TEX11: variants seen among roughly 807,000 people sequenced by gnomAD.
The protein encoded by TEX11 is testis expressed 11, also known as testis-expressed protein 11.
TEX11 carries 7 observed loss-of-function variants against 84.4 expected under a neutral mutation model. That is an observed-to-expected ratio of 0.08 (90% CI 0.05 to 0.16). The LOEUF is 0.16. Ranked by LOEUF, TEX11 falls within the 10% of genes least tolerant of loss-of-function variation. The pLI is 1.00. For missense variants in TEX11, 551 were observed against 660.5 expected (o/e 0.83, Z 1.82); for synonymous variants, 264 against 222.8 (o/e 1.18, Z -1.64).
intron 9 of TEX11, among the ~76,000 whole-genome samples, chrX:70,803,153 A>C (rs2091198985): frequency 8.9e-6 from 1 of 112,140 alleles, no homozygotes; most frequent in Admixed American, 9.5e-5. Context: ...CAAACAAACA[A>C]AAAAACTCTT....
At chrX:70,545,223 C>G (rs2088106326) in intron 28 of TEX11, among the ~76,000 whole-genome samples, 2 of 111,934 alleles carry the variant, frequency 1.8e-5, no homozygotes, top group Non-Finnish European at 3.8e-5. Context: ...AAAAACAAAA[C>G]AAAAAACCCC....
chrX:70,734,349 T>C (rs772573183), intron 11 of TEX11, among the ~76,000 whole-genome samples: 3 of 111,233 alleles, frequency 2.7e-5, no homozygotes, highest in African/African-American at 9.8e-5. Context: ...ATCCAAAACC[T>C]ACTAAATGAG....
At chrX:70,658,419 A>G (rs1423020347) in intron 16 of TEX11, among the ~76,000 whole-genome samples, 1 of 111,941 alleles carries the variant, frequency 8.9e-6, no homozygotes, top group Admixed American at 9.5e-5. Flanking sequence ...TCAGTCTCAA[A>G]AAAACAAACA....
At chrX:70,650,103 AGAG>A (rs1354374106) in intron 17 of TEX11, among the ~76,000 whole-genome samples, 1 of 111,902 alleles carries the variant, frequency 8.9e-6, no homozygotes, top group African/African-American at 3.2e-5. Context: ...ACAAAACTAT[AGAG>A]ATAGAAGAGA....
rs149115127 is a variant in TEX11, at chrX:70,708,030, C to A, written c.1004+14588G>T. Among the ~76,000 whole-genome samples, 556 of 110,165 alleles carry A rather than the reference C, an allele frequency of 5.0e-3. 4 individuals are homozygous for A. The highest frequency in any genetic ancestry group is 0.017 in the African/African-American group (529 of 30,364). ...TGGATCTAACAAAGGTATAATATCC[C>A]AGAATCTATAAGGAACTTTAAAAAA... On this transcript the variant is annotated intron_variant, in intron 13 of 29. Transcript: ENST00000374333.
chrX:70,902,606 C>G (rs761440489), intron 2 of TEX11, among the ~76,000 whole-genome samples: 1 of 111,398 alleles, frequency 9.0e-6, no homozygotes, highest in East Asian at 2.8e-4. Flanking sequence ...ACTGCAACCT[C>G]TGCCTCCCAG....
intron 13 of TEX11, among the ~76,000 whole-genome samples, chrX:70,691,753 C>T (rs968598196): frequency 2.7e-5 from 3 of 110,078 alleles, no homozygotes; most frequent in Non-Finnish European, 3.8e-5. Context: ...TACAGCATGG[C>T]GACTATAGTT....
At chrX:70,804,877 T>C (rs757014847) in intron 9 of TEX11, among the ~76,000 whole-genome samples, 2 of 110,619 alleles carry the variant, frequency 1.8e-5, no homozygotes, top group Admixed American at 9.7e-5. Flanking sequence ...AGAACATTTA[T>C]TTTTATGACT....
chrX:70,596,571 G>A (rs948603746), intron 24 of TEX11, among the ~76,000 whole-genome samples: 8 of 110,331 alleles, frequency 7.3e-5, no homozygotes, highest in African/African-American at 2.3e-4. Flanking sequence ...ATTAAGATTA[G>A]AAAATATTTT....
chrX:70,838,902 G>A (rs759268294), intron 7 of TEX11, among the ~76,000 whole-genome samples: 3 of 112,467 alleles, frequency 2.7e-5, no homozygotes, highest in African/African-American at 6.4e-5. Flanking sequence ...ACAGCAGTCC[G>A]AGATCAAACT....
At chrX:70,810,366 C>G (rs2091245265) in intron 8 of TEX11, among the ~76,000 whole-genome samples, 1 of 111,993 alleles carries the variant, frequency 8.9e-6, no homozygotes, top group Non-Finnish European at 1.9e-5. Flanking sequence ...CAACACTGTT[C>G]ACAATAGCAA....
At chrX:70,907,909 G>A in intron 1 of TEX11, 99 bp from the exon 2 acceptor site, 2 of 578,278 alleles carry the variant, frequency 3.5e-6, no homozygotes, top group Admixed American at 3.3e-5. Flanking sequence ...TTATCCAAAG[G>A]GAGAAAAAAA....
intron 18 of TEX11, among the ~76,000 whole-genome samples, chrX:70,625,949 TG>T (rs1418479599): frequency 1.8e-5 from 2 of 110,092 alleles, no homozygotes; most frequent in African/African-American, 6.6e-5. Flanking sequence ...GGTTTCACCA[TG>T]TTGGCCAGGC....
intron 9 of TEX11, among the ~76,000 whole-genome samples, chrX:70,789,502 T>C (rs1419516882): frequency 9.0e-6 from 1 of 111,683 alleles, no homozygotes; most frequent in Non-Finnish European, 1.9e-5. Flanking sequence ...TGAAGCACGA[T>C]AATCACTTGA....
intron 9 of TEX11, among the ~76,000 whole-genome samples, chrX:70,767,608 C>CA (rs2147774766): frequency 9.0e-6 from 1 of 111,727 alleles, no homozygotes; most frequent in East Asian, 2.8e-4. Context: ...TATGATCCAG[C>CA]AACCCCACTG....
chrX:70,905,279 C>T (rs769046988), intron 2 of TEX11, among the ~76,000 whole-genome samples: 4 of 111,007 alleles, frequency 3.6e-5, no homozygotes, highest in African/African-American at 1.3e-4. Context: ...GAGCCGAGAT[C>T]GTGCCACTAC....
chrX:70,516,660 A>C, the TEX11 span, among the ~76,000 whole-genome samples: 1 of 111,085 alleles, frequency 9.0e-6, no homozygotes, highest in African/African-American at 3.3e-5. Context: ...CTGTGAAGAA[A>C]GTCATTGGTA....
At chrX:70,789,218 T>C (rs2091103850) in intron 9 of TEX11, among the ~76,000 whole-genome samples, 1 of 107,136 alleles carries the variant, frequency 9.3e-6, no homozygotes. Flanking sequence ...AATACACATT[T>C]CTCAAAAGAA....
intron 29 of TEX11, 145 bp from the exon 30 acceptor site, chrX:70,529,332 C>T (rs1050504408): frequency 1.3e-5 from 6 of 445,771 alleles, no homozygotes; most frequent in Non-Finnish European, 2.3e-5. Context: ...ATACAGTCCT[C>T]TCTTGAGGAA....
Sources: gnomAD v4.1 joint callset for allele counts (sites outside exome capture counted in the v4.1 genomes callset) on GRCh38, gnomAD v4.1.1 for gene constraint, MANE v1.5 for transcripts, NCBI Gene and HGNC (gene_info 2026-07-23, HGNC 2026-07-21) for gene names.